The following MEGF10 variants were observed in gnomAD, a reference collection of about 807,000 sequenced individuals.
MEGF10 encodes the protein multiple EGF like domains 10, also known as multiple epidermal growth factor-like domains protein 10.
MEGF10 carries 86 observed loss-of-function variants against 147.5 expected under a neutral mutation model. That is an observed-to-expected ratio of 0.58 (90% CI 0.49 to 0.70). The LOEUF is 0.70. Ranked by LOEUF, MEGF10 falls within the 30% of genes least tolerant of loss-of-function variation. MEGF10 has a pLI of 0.00. For missense variants in MEGF10, 1,329 were observed against 1,487.3 expected (o/e 0.89, Z 1.75); for synonymous variants, 478 against 525.5 (o/e 0.91, Z 1.24).
chr5:127,324,974 C>T (rs1008947771), intron 1 of MEGF10, among the ~76,000 whole-genome samples: 5 of 152,150 alleles, frequency 3.3e-5, no homozygotes, highest in African/African-American at 7.2e-5. Context: ...CAGGCATTGT[C>T]GCCATCAGCC....
chr5:127,447,386 C>T (rs963209440), intron 20 of MEGF10, among the ~76,000 whole-genome samples, 171 bp from the exon 21 acceptor site: 2 of 152,102 alleles, frequency 1.3e-5, no homozygotes, highest in African/African-American at 4.8e-5. Context: ...ACTGTGTTAG[C>T]CAGGATGGTC....
rs773999752 is a variant in MEGF10 at position 127,402,644 on chromosome 5, A to C, written c.879A>C (p.Thr293=). 2 of 1,614,146 alleles carry C rather than the reference A, an allele frequency of 1.2e-6. No individual in the cohort carries two copies. Among genetic ancestry groups the C allele is most frequent in the Non-Finnish European group, 1.7e-6 (2 of 1,180,000 alleles). Residue 293 remains threonine, a synonymous_variant, in exon 8 of 25, where the codon ACA becomes ACC. Coordinates refer to ENST00000503335, the MANE Select transcript of MEGF10 (RefSeq NM_001256545.2). ...CHNGGTCDAA[T]GQCHCSPGYT... ...ATGGAGGGACGTGTGATGCTGCCAC[A>C]GGCCAATGTCATTGCAGTCCAGGAT... is the stretch of plus-strand genomic sequence containing the variant.
At chr5:127,301,606 A>G (rs1041489660) in intron 1 of MEGF10, among the ~76,000 whole-genome samples, 2 of 152,170 alleles carry the variant, frequency 1.3e-5, no homozygotes, top group Admixed American at 1.3e-4. Context: ...CATTTACTGT[A>G]TGAGGTATGA....
At chr5:127,401,667 T>A (rs766009997) in intron 7 of MEGF10, among the ~76,000 whole-genome samples, 50 of 152,330 alleles carry the variant, frequency 3.3e-4, no homozygotes, top group South Asian at 1.9e-3. Context: ...ATATGTTGTT[T>A]GTCTAATTAT....
intron 24 of MEGF10, 50 bp downstream of exon 24, chr5:127,455,657 C>A (rs544488627): frequency 6.7e-6 from 10 of 1,503,148 alleles, no homozygotes; most frequent in Admixed American, 3.6e-5. Context: ...TTTTTAAAAA[C>A]AATTTTAAAG....
intron 1 of MEGF10, among the ~76,000 whole-genome samples, chr5:127,309,843 A>T (rs1760184231): frequency 6.6e-6 from 1 of 151,972 alleles, no homozygotes; most frequent in South Asian, 2.1e-4. Context: ...TGGTAATTCC[A>T]TGTTTTTTGA....
the MEGF10 span, among the ~76,000 whole-genome samples, chr5:127,265,186 A>C: frequency 6.6e-6 from 1 of 151,892 alleles, no homozygotes. Context: ...TTTGTTCTTG[A>C]GATAGTTTGC....
chr5:127,364,251 C>T (rs1762577746), intron 4 of MEGF10, among the ~76,000 whole-genome samples: 1 of 152,148 alleles, frequency 6.6e-6, no homozygotes, highest in Admixed American at 6.5e-5. Context: ...CAATACAACC[C>T]CTGTACCTAC....
chr5:127,411,127 A>G (rs140510994), intron 9 of MEGF10, among the ~76,000 whole-genome samples: 122 of 152,264 alleles, frequency 8.0e-4, no homozygotes, highest in African/African-American at 2.6e-3. Flanking sequence ...TTTCGAATTG[A>G]TTACTCTGAC....
chr5:127,393,267 G>A (rs1437334413), intron 5 of MEGF10, among the ~76,000 whole-genome samples: 1 of 152,210 alleles, frequency 6.6e-6, no homozygotes, highest in African/African-American at 2.4e-5. Context: ...CTCTCCAAAT[G>A]TGGTACTTGA....
chr5:127,245,245 G>T, the MEGF10 span, among the ~76,000 whole-genome samples: 1 of 152,062 alleles, frequency 6.6e-6, no homozygotes, highest in Non-Finnish European at 1.5e-5. Context: ...CATGCTACTG[G>T]TACCAAAACA....
intron 22 of MEGF10, among the ~76,000 whole-genome samples, chr5:127,452,415 TG>T (rs1299874780): frequency 6.6e-6 from 1 of 152,222 alleles, no homozygotes; most frequent in Non-Finnish European, 1.5e-5. Context: ...CCCATCTTCA[TG>T]GGTCCTCTTT....
At chr5:127,386,667 T>C (rs1763447271) in intron 5 of MEGF10, among the ~76,000 whole-genome samples, 1 of 152,194 alleles carries the variant, frequency 6.6e-6, no homozygotes, top group Admixed American at 6.5e-5. Flanking sequence ...TACTGGGCAA[T>C]TTCGTTTTTG....
intron 17 of MEGF10, among the ~76,000 whole-genome samples, chr5:127,439,947 C>T (rs1765694706): frequency 6.6e-6 from 1 of 152,210 alleles, no homozygotes; most frequent in South Asian, 2.1e-4. Context: ...CTGGGCACTG[C>T]CTCTGCTTCT....
intron 4 of MEGF10, among the ~76,000 whole-genome samples, chr5:127,369,085 A>C (rs1762755462): frequency 6.6e-6 from 1 of 152,146 alleles, no homozygotes; most frequent in African/African-American, 2.4e-5. Flanking sequence ...CCCACCCTTA[A>C]ATAAAATTTT....
At chr5:127,267,877 G>A in the MEGF10 span, among the ~76,000 whole-genome samples, 1 of 152,034 alleles carries the variant, frequency 6.6e-6, no homozygotes, top group Non-Finnish European at 1.5e-5. Context: ...CCAGCTCCTG[G>A]ATTCATTGAT....
chr5:127,323,536 TTAATGCTAC>T (rs1414549360), intron 1 of MEGF10, among the ~76,000 whole-genome samples: 2 of 152,238 alleles, frequency 1.3e-5, no homozygotes, highest in East Asian at 3.8e-4. Context: ...CTTCTGTATG[TTAATGCTAC>T]TAAAGATGCC....
the MEGF10 span, among the ~76,000 whole-genome samples, chr5:127,246,292 A>G: frequency 6.6e-6 from 1 of 152,170 alleles, no homozygotes; most frequent in Non-Finnish European, 1.5e-5. Context: ...GAATGAGTTC[A>G]TGTTCTTTGC....
At chr5:127,244,496 C>T in the MEGF10 span, among the ~76,000 whole-genome samples, 1 of 151,860 alleles carries the variant, frequency 6.6e-6, no homozygotes, top group African/African-American at 2.4e-5. Context: ...TTGAAGAATT[C>T]AGTCTTCACA....
Sources: gnomAD v4.1 joint callset for allele counts (sites outside exome capture counted in the v4.1 genomes callset) on GRCh38, gnomAD v4.1.1 for gene constraint, MANE v1.5 for transcripts, NCBI Gene and HGNC (gene_info 2026-07-23, HGNC 2026-07-21) for gene names.